The following HS3ST5 variants were observed in gnomAD, a reference collection of about 807,000 sequenced individuals.
HS3ST5 encodes the protein heparan sulfate glucosamine 3-O-sulfotransferase 5.
A neutral mutation model predicts 25.4 loss-of-function variants in HS3ST5; 10 were observed. The ratio of observed to expected loss-of-function variants is 0.39; its 90% confidence interval spans 0.24 to 0.67. The LOEUF is 0.67. HS3ST5 is among the 30% of genes least tolerant of loss of function. HS3ST5 has a pLI of 0.44. For missense variants in HS3ST5, 324 were observed against 420.7 expected, an observed-to-expected ratio of 0.77 and a Z score of 2.01; for synonymous variants, 170 against 162.4, an observed-to-expected ratio of 1.05 and a Z score of -0.36.
chr6:114,118,750 C>T (rs939553643), intron 3 of HS3ST5, among the ~76,000 whole-genome samples: 2 of 152,106 alleles, frequency 1.3e-5, no homozygotes, highest in Admixed American at 1.3e-4. Context: ...TTCTCCATCC[C>T]CTTTAGAAGA....
At chr6:114,132,786 G>T (rs78765874) in intron 3 of HS3ST5, among the ~76,000 whole-genome samples, 1 of 152,158 alleles carries the variant, frequency 6.6e-6, no homozygotes, top group Admixed American at 6.5e-5. Context: ...GGAGGCTAAC[G>T]GCTGGACCTT....
At chr6:114,223,246 T>C (rs1782125535) in intron 2 of HS3ST5, among the ~76,000 whole-genome samples, 1 of 151,710 alleles carries the variant, frequency 6.6e-6, no homozygotes, top group Admixed American at 6.6e-5. Flanking sequence ...TCATAAGTTT[T>C]CATGCTCTAC....
At chr6:114,100,171 C>T (rs1775649390) in intron 3 of HS3ST5, among the ~76,000 whole-genome samples, 2 of 152,252 alleles carry the variant, frequency 1.3e-5, no homozygotes, top group South Asian at 4.1e-4. Flanking sequence ...GTGTTACGAA[C>T]CATACACAAA....
intron 1 of HS3ST5, among the ~76,000 whole-genome samples, chr6:114,285,666 T>A (rs1331170533): frequency 6.6e-6 from 1 of 151,744 alleles, no homozygotes. Flanking sequence ...CTTGGGCCTG[T>A]CAGGGTGGGG....
At chr6:114,213,091 C>T (rs548197526) in intron 2 of HS3ST5, among the ~76,000 whole-genome samples, 20 of 152,102 alleles carry the variant, frequency 1.3e-4, no homozygotes, top group South Asian at 8.3e-4. Context: ...TGGCTCTCAG[C>T]GGGATGGAGA....
intron 3 of HS3ST5, among the ~76,000 whole-genome samples, chr6:114,144,416 T>A (rs771488320): frequency 6.6e-6 from 1 of 152,200 alleles, no homozygotes; most frequent in South Asian, 2.1e-4. Flanking sequence ...CATTTTTAGT[T>A]ACATCACAAA....
chr6:114,132,806 G>C (rs993552140), intron 3 of HS3ST5, among the ~76,000 whole-genome samples: 17 of 152,188 alleles, frequency 1.1e-4, no homozygotes, highest in African/African-American at 3.9e-4. Context: ...TGAGGCTCCT[G>C]TCCCATTCAC....
chr6:114,212,985 T>G (rs1781574378), intron 2 of HS3ST5, among the ~76,000 whole-genome samples: 1 of 152,176 alleles, frequency 6.6e-6, no homozygotes, highest in Non-Finnish European at 1.5e-5. Context: ...GTGACAGCCT[T>G]CTGTATCCTG....
chr6:114,235,216 T>C (rs1457926472), intron 1 of HS3ST5, among the ~76,000 whole-genome samples: 1 of 152,186 alleles, frequency 6.6e-6, no homozygotes, highest in Non-Finnish European at 1.5e-5. Flanking sequence ...TACACAGGTA[T>C]TCCTCCAATA....
intron 1 of HS3ST5, among the ~76,000 whole-genome samples, chr6:114,332,037 A>G (rs1480320250): frequency 6.6e-6 from 1 of 152,122 alleles, no homozygotes; most frequent in Non-Finnish European, 1.5e-5. Flanking sequence ...AAATGAGCTC[A>G]TGGACTATTA....
intron 1 of HS3ST5, among the ~76,000 whole-genome samples, chr6:114,277,426 A>C (rs1773909167): frequency 6.9e-6 from 1 of 145,086 alleles, no homozygotes; most frequent in Non-Finnish European, 1.5e-5. Flanking sequence ...TTTTGACATT[A>C]CTTTTAATGG....
At chr6:114,299,682 C>T (rs1252265127) in intron 1 of HS3ST5, among the ~76,000 whole-genome samples, 2 of 152,084 alleles carry the variant, frequency 1.3e-5, no homozygotes, top group Non-Finnish European at 2.9e-5. Context: ...CCCCGATAGT[C>T]CTGTACTAAG....
intron 1 of HS3ST5, among the ~76,000 whole-genome samples, chr6:114,259,257 C>A (rs974648339): frequency 6.6e-6 from 1 of 152,150 alleles, no homozygotes; most frequent in Non-Finnish European, 1.5e-5. Flanking sequence ...AATCATTTCA[C>A]ATAGGATTTC....
At chr6:114,169,381 T>C (rs1779364519) in intron 2 of HS3ST5, among the ~76,000 whole-genome samples, 2 of 152,196 alleles carry the variant, frequency 1.3e-5, no homozygotes, top group Admixed American at 1.3e-4. Flanking sequence ...CTACTGAGTC[T>C]ACTGTGTCTC....
At chr6:114,257,624 C>G (rs1473414022) in intron 1 of HS3ST5, among the ~76,000 whole-genome samples, 1 of 152,122 alleles carries the variant, frequency 6.6e-6, no homozygotes, top group Non-Finnish European at 1.5e-5. Context: ...TTGAGGCAAC[C>G]CTGTATTTTT....
At chr6:114,185,518 C>T (rs1184824734) in intron 2 of HS3ST5, among the ~76,000 whole-genome samples, 1 of 152,074 alleles carries the variant, frequency 6.6e-6, no homozygotes, top group East Asian at 1.9e-4. Context: ...ACAGTCATAC[C>T]TTGCTTTATT....
intron 2 of HS3ST5, among the ~76,000 whole-genome samples, chr6:114,218,818 A>AT (rs890861636): frequency 6.2e-4 from 94 of 150,660 alleles, no homozygotes; most frequent in African/African-American, 1.5e-3. Context: ...TTTTAAATCT[A>AT]TTTTTTTTTG....
rs923839477 is a variant in HS3ST5, at chr6:114,215,101, C to G, written c.-145+13484G>C. Among the ~76,000 whole-genome samples the G allele has an allele frequency of 2.6e-5, 4 of 152,010 alleles. No homozygotes were observed. In the East Asian group the frequency reaches 7.7e-4, roughly 29 times the overall value. On this transcript the variant is annotated intron_variant, in intron 2 of 4. Coordinates refer to ENST00000312719, the MANE Select transcript of HS3ST5 (RefSeq NM_153612.4). ...CGGGCAGATCACGAGGTCAGGAGAT[C>G]GAGACCATCCTGGCTAACATGGTGA...
chr6:114,329,954 C>G (rs1460328385), intron 1 of HS3ST5, among the ~76,000 whole-genome samples: 2 of 152,104 alleles, frequency 1.3e-5, no homozygotes, highest in African/African-American at 4.8e-5. Context: ...AGTAGAACTA[C>G]TTAAATGTAT....
Sources: allele counts gnomAD v4.1 joint callset (sites outside exome capture counted in the v4.1 genomes callset), GRCh38; gene constraint gnomAD v4.1.1; transcripts MANE v1.5; gene names NCBI Gene and HGNC (gene_info 2026-07-23, HGNC 2026-07-21).